CLEC16A: variants seen among roughly 807,000 people sequenced by gnomAD.
CLEC16A encodes the protein C-type lectin domain containing 16A, also known as protein CLEC16A.
CLEC16A carries 51 observed loss-of-function variants against 109.5 expected under a neutral mutation model. That is an observed-to-expected ratio of 0.47 (90% confidence interval 0.37 to 0.59). The LOEUF (loss-of-function observed/expected upper bound fraction) is 0.59. CLEC16A is among the 20% of genes least tolerant of loss of function. The probability of loss-of-function intolerance (pLI) is 0.00; values close to 1 mark genes in which losing one functional copy is unlikely to be tolerated. For synonymous variants in CLEC16A, 673 were observed against 564.2 expected (o/e 1.19, Z -2.73); for missense variants, 1,339 against 1,394.0 (o/e 0.96, Z 0.63).
intron 17 of CLEC16A, chr16:11,048,451 AT>A (rs1310563135): frequency 1.3e-5 from 2 of 152,352 alleles, no homozygotes; most frequent in African/African-American, 4.8e-5. Context: ...TCTTGTGGAT[AT>A]TACCCACCAA....
At chr16:11,088,463 A>T (rs2050128742) in intron 19 of CLEC16A, among the ~76,000 whole-genome samples, 1 of 152,090 alleles carries the variant, frequency 6.6e-6, no homozygotes, top group Non-Finnish European at 1.5e-5. Flanking sequence ...CTCGTTGGGG[A>T]TGGGCCCAGA....
At chr16:10,981,892 G>A (rs893244265) in intron 9 of CLEC16A, among the ~76,000 whole-genome samples, 2 of 152,174 alleles carry the variant, frequency 1.3e-5, no homozygotes, top group Non-Finnish European at 2.9e-5. Flanking sequence ...TGTCATGACC[G>A]AGGCTGGGGT....
At position 11,140,932 on chromosome 16, in the gene CLEC16A, C is replaced by A. The variant is rs575484696; in HGVS notation, c.2641+14786C>A. ...CTTTCAAATGGGGCTGATGATAGGA[C>A]CTGCCTCACACAGCAGGAGCTTAGC... On this transcript the variant is annotated intron_variant, in intron 22 of 23. Coordinates refer to ENST00000409790, the MANE Select transcript of CLEC16A (RefSeq NM_015226.3). Among the ~76,000 whole-genome samples, 6 of 152,360 alleles carry A rather than the reference C, an allele frequency of 3.9e-5. No homozygotes were observed. The South Asian group carries it at 8.3e-4, about 21-fold the overall frequency.
intron 7 of CLEC16A, among the ~76,000 whole-genome samples, chr16:10,974,675 G>A (rs2042955224): frequency 6.6e-6 from 1 of 152,212 alleles, no homozygotes; most frequent in Non-Finnish European, 1.5e-5. Flanking sequence ...CACCTAGATG[G>A]GGTCAGGATG....
At chr16:11,042,989 G>A (rs2047428620) in intron 15 of CLEC16A, among the ~76,000 whole-genome samples, 1 of 150,998 alleles carries the variant, frequency 6.6e-6, no homozygotes, top group Non-Finnish European at 1.5e-5. Context: ...ATGTAAATAT[G>A]TACATGTGAA....
chr16:11,046,039 G>A (rs776535463), intron 16 of CLEC16A, among the ~76,000 whole-genome samples: 7 of 152,032 alleles, frequency 4.6e-5, no homozygotes, highest in Non-Finnish European at 8.8e-5. Flanking sequence ...ACCGCACTTG[G>A]CCTCCAAGTG....
chr16:11,080,949 G>A (rs2049675501), intron 19 of CLEC16A, among the ~76,000 whole-genome samples: 1 of 152,250 alleles, frequency 6.6e-6, no homozygotes, highest in Admixed American at 6.5e-5. Flanking sequence ...CCAGGGATTA[G>A]GTCGTGGGCA....
chr16:10,969,351 A>G (rs1360594394), intron 4 of CLEC16A, 42 bp downstream of exon 4: 1 of 1,291,110 alleles, frequency 7.7e-7, no homozygotes, highest in Non-Finnish European at 1.0e-6. Context: ...GTAAAGCCAC[A>G]CGTGGCTTTT....
rs117578449 is a variant in CLEC16A, at chr16:11,177,689, G to A, written c.2807-646G>A. 4.1e-3 allele frequency among the ~76,000 whole-genome samples: 627 copies of A among 152,026 alleles called. 11 individuals carry two copies. Among genetic ancestry groups the A allele is most frequent in the Non-Finnish European group, 3.5e-3 (236 of 67,998 alleles). The stretch of plus-strand genomic sequence containing the variant: ...GGAACCTCACCTGCCTTGTCCTGGC[G>A]TGGTTTCTCAGTGGCCCCTGCCGGG... On this transcript the variant is annotated intron_variant, in intron 23 of 23. Coordinates refer to ENST00000409790, the MANE Select transcript of CLEC16A (RefSeq NM_015226.3).
intron 19 of CLEC16A, among the ~76,000 whole-genome samples, chr16:11,097,668 T>C (rs2050683935): frequency 6.6e-6 from 1 of 152,202 alleles, no homozygotes; most frequent in South Asian, 2.1e-4. Context: ...CAGTGAGCTT[T>C]CCCTGTGTGT....
At chr16:11,109,290 A>G (rs1185535146) in intron 19 of CLEC16A, among the ~76,000 whole-genome samples, 1 of 151,696 alleles carries the variant, frequency 6.6e-6, no homozygotes, top group African/African-American at 2.4e-5. Context: ...TCAGCCTGGG[A>G]CCACAGGTGT....
chr16:10,969,584 A>G (rs2042681825), intron 4 of CLEC16A, among the ~76,000 whole-genome samples: 1 of 152,208 alleles, frequency 6.6e-6, no homozygotes, highest in Non-Finnish European at 1.5e-5. Flanking sequence ...CCGGGGCACA[A>G]GCGATCCTCC....
intron 19 of CLEC16A, among the ~76,000 whole-genome samples, chr16:11,108,886 G>A (rs7186792): frequency 0.023 from 3,457 of 152,068 alleles, 112 homozygotes; most frequent in African/African-American, 0.072. Flanking sequence ...CGAGGCGGGC[G>A]GATCACGAGG....
chr16:10,966,535 CTA>C (rs1282246297), intron 3 of CLEC16A, among the ~76,000 whole-genome samples: 1 of 152,112 alleles, frequency 6.6e-6, no homozygotes, highest in Admixed American at 6.6e-5. Context: ...GGTTATGTAT[CTA>C]TGTGTTTTAT....
intron 23 of CLEC16A, among the ~76,000 whole-genome samples, chr16:11,176,638 C>G (rs767189991): frequency 6.6e-6 from 1 of 152,030 alleles, no homozygotes; most frequent in African/African-American, 2.4e-5. Context: ...CTCAGGAGGC[C>G]GAAGCAGGAG....
intron 14 of CLEC16A, chr16:11,041,693 G>A (rs568459790): frequency 6.5e-6 from 1 of 152,864 alleles, no homozygotes; most frequent in East Asian, 1.9e-4. Flanking sequence ...GCCCCTCAGG[G>A]CGTCACCACG....
chr16:11,114,175 G>GTGTGTT (rs2051806895), intron 19 of CLEC16A, among the ~76,000 whole-genome samples: 1 of 139,966 alleles, frequency 7.1e-6, no homozygotes, highest in Non-Finnish European at 1.6e-5. Flanking sequence ...GTGTGTGTGT[G>GTGTGTT]TGTTTATTGG....
At chr16:11,077,245 G>A (rs62029610) in intron 19 of CLEC16A, among the ~76,000 whole-genome samples, 3,352 of 152,120 alleles carry the variant, frequency 0.022, 50 homozygotes, top group Non-Finnish European at 0.03. Context: ...TGAGGCGAGC[G>A]GATTGCCTGA....
At chr16:10,981,768 T>A (rs1475614036) in intron 9 of CLEC16A, among the ~76,000 whole-genome samples, 2 of 152,338 alleles carry the variant, frequency 1.3e-5, no homozygotes, top group Non-Finnish European at 1.5e-5. Context: ...CAGAGACAAT[T>A]AGGGTTACAG....
Sources: gnomAD v4.1 joint callset for allele counts (sites outside exome capture counted in the v4.1 genomes callset) on GRCh38, gnomAD v4.1.1 for gene constraint, MANE v1.5 for transcripts, NCBI Gene and HGNC (gene_info 2026-07-23, HGNC 2026-07-21) for gene names.